The following DGKH variants were observed in gnomAD, a reference collection of about 807,000 sequenced individuals.
DGKH encodes diacylglycerol kinase eta, also known as DAG kinase eta.
DGKH carries 90 observed loss-of-function variants against 159.3 expected under a neutral mutation model. That is an observed-to-expected ratio of 0.57 (90% CI 0.48 to 0.67). DGKH has a LOEUF of 0.67. DGKH is among the 30% of genes least tolerant of loss of function. The pLI is 0.00. For synonymous variants in DGKH, 536 were observed against 553.8 expected (o/e 0.97, Z 0.45); for missense variants, 1,181 against 1,506.1 (o/e 0.78, Z 3.57).
chr13:42,040,594 T>C (rs546763939), intron 1 of DGKH, among the ~76,000 whole-genome samples: 38 of 150,116 alleles, frequency 2.5e-4, no homozygotes, highest in African/African-American at 8.8e-4. Flanking sequence ...CGTGGGAGGC[T>C]GCGGCGGTGG....
chr13:42,166,809 T>A, intron 9 of DGKH, 135 bp downstream of exon 9: 1 of 712,160 alleles, frequency 1.4e-6, no homozygotes, highest in Non-Finnish European at 2.0e-6. Context: ...TTATAAGTTT[T>A]AACACAACCT....
At position 42,221,384 on chromosome 13, in the gene DGKH, G is replaced by A. The variant is rs776075474; in HGVS notation, c.3563G>A (p.Arg1188Gln). The change falls in exon 29 of 30, where the codon CGA (arginine) becomes CAA (glutamine). Residue 1188 changes from arginine (R) to glutamine (Q), a missense_variant. By Grantham distance (43) the Arg-to-Gln change is conservative (BLOSUM62 1). Around this residue, in one of 5 missense-constraint regions of DGKH, gnomAD observed 84 missense variants for 77.9 expected, o/e 1.08. Transcript: ENST00000337343. Reference sequence around the variant, plus strand: ...GCTGAACTTTTGCATCTGGAAAGGCGAGATCTTAAGGTATTTCCTTTGTGC... The same window carrying A: ...GCTGAACTTTTGCATCTGGAAAGGCAAGATCTTAAGGTATTTCCTTTGTGC... ...RGAELLHLER[R>Q]DLKDLGIPKV... is the part of the protein sequence containing the mutation. 61 of 1,613,392 alleles carry A rather than the reference G, an allele frequency of 3.8e-5. No homozygotes were observed. The highest frequency in any genetic ancestry group is 4.7e-5 in the Non-Finnish European group (56 of 1,179,550).
chr13:42,137,860 T>C (rs905046137), intron 3 of DGKH, among the ~76,000 whole-genome samples: 75 of 152,314 alleles, frequency 4.9e-4, no homozygotes, highest in Admixed American at 3.8e-3. Flanking sequence ...ATGTGACAAA[T>C]GTATTTTTAA....
chr13:42,180,235 A>T (rs1276413593), intron 13 of DGKH, among the ~76,000 whole-genome samples: 1 of 152,252 alleles, frequency 6.6e-6, no homozygotes, highest in East Asian at 1.9e-4. Context: ...GAAAGACAAT[A>T]GGGAGTGCTA....
At chr13:42,188,077 A>G (rs1255425589) in intron 14 of DGKH, among the ~76,000 whole-genome samples, 1 of 152,210 alleles carries the variant, frequency 6.6e-6, no homozygotes, top group Non-Finnish European at 1.5e-5. Flanking sequence ...GAAAATAGAA[A>G]TAAATATACA....
chr13:42,125,084 A>T (rs533004490), intron 1 of DGKH, among the ~76,000 whole-genome samples: 1 of 152,036 alleles, frequency 6.6e-6, no homozygotes, highest in South Asian at 2.1e-4. Context: ...CCGTTTCCCC[A>T]TTGTCACTTT....
At chr13:42,088,714 AAAG>A (rs1304390936) in intron 1 of DGKH, among the ~76,000 whole-genome samples, 1 of 152,166 alleles carries the variant, frequency 6.6e-6, no homozygotes, top group Non-Finnish European at 1.5e-5. Context: ...AAGAAAAAAG[AAAG>A]AAGAGATGAG....
In DGKH at chr13:42,155,792, C is replaced by G. The variant is rs752061769; in HGVS notation, c.615C>G (p.Ser205=). ...SLSGVTSHGL[S]CEVCKFKAHK... is the part of the protein sequence containing the mutation. ...CTGGAGTCACCTCCCATGGCCTGTC[C>G]TGCGAAGGTACTGTAGCACCTAGCA... Residue 205 remains serine, a synonymous_variant, in exon 5 of 30, where the codon TCC becomes TCG. Coordinates refer to ENST00000337343, the MANE Select transcript of DGKH (RefSeq NM_178009.5). 6.2e-7 allele frequency: 1 copy of G among 1,614,068 alleles called. No homozygotes were observed. Among genetic ancestry groups the G allele is most frequent in the Non-Finnish European group, 8.5e-7 (1 of 1,180,008 alleles).
chr13:42,245,894 C>T (rs974450120), downstream of DGKH, among the ~76,000 whole-genome samples: 1 of 152,138 alleles, frequency 6.6e-6, no homozygotes, highest in Non-Finnish European at 1.5e-5. Flanking sequence ...CCTGAGGCAC[C>T]GCCTGATTCT....
At chr13:42,201,704 A>T (rs1472346940) in intron 20 of DGKH, among the ~76,000 whole-genome samples, 1 of 152,230 alleles carries the variant, frequency 6.6e-6, no homozygotes, top group East Asian at 1.9e-4. Flanking sequence ...ATTATATGAA[A>T]TACAGACTTA....
chr13:42,066,723 A>T (rs1007256990), intron 1 of DGKH: 1 of 152,082 alleles, frequency 6.6e-6, no homozygotes, highest in African/African-American at 2.4e-5. Flanking sequence ...CCCTTTCATG[A>T]CGTGGTTTTG....
At position 42,144,062 on chromosome 13, in the gene DGKH, A is replaced by G. The variant is rs115512402; in HGVS notation, c.385-11229A>G. On this transcript the variant is annotated intron_variant, in intron 3 of 29. Transcript: ENST00000337343. ...GGATATTAGCAAAAGAGAGTCTGAT[A>G]CACAGTAACCATCTCATTGAAACAG... Among the ~76,000 whole-genome samples, 376 of 152,332 alleles carry G rather than the reference A, an allele frequency of 2.5e-3. 2 individuals are homozygous for G. The highest frequency in any genetic ancestry group is 8.8e-3 in the African/African-American group (364 of 41,578).
At chr13:42,054,851 A>G (rs1316612003) in intron 1 of DGKH, among the ~76,000 whole-genome samples, 1 of 152,202 alleles carries the variant, frequency 6.6e-6, no homozygotes, top group Non-Finnish European at 1.5e-5. Flanking sequence ...TACCAGAAAT[A>G]TGTACAATTT....
intron 1 of DGKH, among the ~76,000 whole-genome samples, chr13:42,096,237 C>T (rs1335367325): frequency 6.6e-6 from 1 of 151,770 alleles, no homozygotes; most frequent in Non-Finnish European, 1.5e-5. Context: ...TTTTTAACCC[C>T]TCCCCACCTG....
rs1958540111 is a variant in DGKH at position 42,242,877 on chromosome 13, AAAG to A, written c.*13692_*13694del. The stretch of plus-strand genomic sequence containing the variant: ...CCTTGAGATCATCCTTCTCAAATAA[AAAG>A]AATGCATTTGAAGAAAGTGTGAAGT... On this transcript the variant is annotated 3_prime_UTR_variant, in exon 30 of 30. Transcript: ENST00000337343. 1 of 152,246 alleles carries A rather than the reference AAAG, an allele frequency of 6.6e-6. No individual in the cohort carries two copies. Among genetic ancestry groups the A allele is most frequent in the Non-Finnish European group, 1.5e-5 (1 of 68,042 alleles). 9.4% of individuals were successfully genotyped at this position (152,246 alleles called of 1,614,324 possible).
chr13:42,109,525 G>C (rs929447849), intron 1 of DGKH, among the ~76,000 whole-genome samples: 3 of 152,158 alleles, frequency 2.0e-5, no homozygotes, highest in Admixed American at 6.5e-5. Context: ...TTTGGCAAAT[G>C]ATAGAGAAAT....
chr13:42,223,110 G>A (rs1001204716), intron 29 of DGKH, among the ~76,000 whole-genome samples: 2 of 152,118 alleles, frequency 1.3e-5, no homozygotes, highest in African/African-American at 2.4e-5. Flanking sequence ...AACAAGATGT[G>A]GGGGGTGGAT....
chr13:42,254,824 T>G (rs1958645637), intron 30 of DGKH, among the ~76,000 whole-genome samples: 1 of 152,172 alleles, frequency 6.6e-6, no homozygotes. Flanking sequence ...ATGAAATGTT[T>G]CGTGATGATT....
At chr13:42,059,910 T>C (rs1292493581) in intron 1 of DGKH, among the ~76,000 whole-genome samples, 5 of 150,830 alleles carry the variant, frequency 3.3e-5, no homozygotes, top group Non-Finnish European at 7.4e-5. Flanking sequence ...TTTTTCTTTT[T>C]TTTTTTTTTT....
Sources: allele counts gnomAD v4.1 joint callset (sites outside exome capture counted in the v4.1 genomes callset), GRCh38; gene constraint gnomAD v4.1.1; regional missense constraint gnomAD v4.1.1; transcripts MANE v1.5; gene names NCBI Gene and HGNC (gene_info 2026-07-23, HGNC 2026-07-21).